Variants in PLD5 observed in about 807,000 individuals in gnomAD.
PLD5 encodes the protein phospholipase D family member 5.
In PLD5, 36 loss-of-function variants were observed where a neutral mutation model predicts 61.1. The ratio of observed to expected loss-of-function variants is 0.59; its 90% confidence interval spans 0.45 to 0.78. The LOEUF is 0.78. Ranked by LOEUF, PLD5 falls within the 30% of genes least tolerant of loss-of-function variation. PLD5 has a pLI of 0.00. For synonymous variants in PLD5, 243 were observed against 242.8 expected (o/e 1.00, Z -0.01); for missense variants, 515 against 644.4 (o/e 0.80, Z 2.17).
At chr1:242,441,216 ATAG>A (rs767023741) in intron 1 of PLD5, among the ~76,000 whole-genome samples, 23 of 152,200 alleles carry the variant, frequency 1.5e-4, no homozygotes, top group Admixed American at 1.3e-4. Context: ...ATAATTTAAA[ATAG>A]TAGTAAGTGC....
chr1:242,159,559 C>T (rs563902881), intron 5 of PLD5, among the ~76,000 whole-genome samples: 20 of 152,122 alleles, frequency 1.3e-4, no homozygotes, highest in African/African-American at 3.9e-4. Context: ...AGGTGGGGTA[C>T]GGTTCTCCGA....
At chr1:242,191,683 G>A (rs1009976161) in intron 5 of PLD5, among the ~76,000 whole-genome samples, 1 of 152,032 alleles carries the variant, frequency 6.6e-6, no homozygotes, top group Non-Finnish European at 1.5e-5. Flanking sequence ...GAGAAAAGGT[G>A]GAAGGCAGAT....
Position 242,524,222 on chromosome 1 carries a change from G to A in PLD5, c.55C>T (p.Gln19Ter). The change falls in exon 1 of 10, where the codon CAG becomes TAG. Residue 19 changes from glutamine (Q) to a stop codon, truncating the protein, a stop_gained. Coordinates refer to ENST00000536534, the MANE Select transcript of PLD5 (RefSeq NM_001372062.1). LOFTEE classifies it high-confidence loss of function. ...LSASPHEGFEQMRLKSRPKEP... is the reference protein window; with the variant it reads ...LSASPHEGFE ...TTGGGGCGGCTTTTGAGCCTCATCT[G>A]CTCGAAGCCCTCATGGGGGGAGGCC... The A allele has an allele frequency of 6.5e-7, 1 of 1,529,858 alleles. No homozygotes were observed. The highest frequency in any genetic ancestry group is 2.5e-5 in the East Asian group (1 of 39,844). The allele number at this position is 1,529,858 out of a possible 1,614,324, so 94.8% of individuals were successfully genotyped here.
At chr1:242,255,597 T>C (rs904351111) in intron 4 of PLD5, among the ~76,000 whole-genome samples, 2 of 152,142 alleles carry the variant, frequency 1.3e-5, no homozygotes, top group African/African-American at 4.8e-5. Context: ...TAAAGTATAA[T>C]AAAAAAAATT....
intron 2 of PLD5, among the ~76,000 whole-genome samples, chr1:242,315,973 C>T (rs1676980721): frequency 6.6e-6 from 1 of 152,180 alleles, no homozygotes; most frequent in South Asian, 2.1e-4. Context: ...GTCCTGAAGT[C>T]AAATGGGCCT....
chr1:242,505,357 G>A (rs1339135931), intron 1 of PLD5, among the ~76,000 whole-genome samples: 1 of 152,086 alleles, frequency 6.6e-6, no homozygotes, highest in Non-Finnish European at 1.5e-5. Context: ...TCTGAACAAG[G>A]ATGAGTTTCC....
intron 5 of PLD5, among the ~76,000 whole-genome samples, chr1:242,131,146 A>C (rs1663207327): frequency 6.6e-6 from 1 of 152,174 alleles, no homozygotes; most frequent in Non-Finnish European, 1.5e-5. Context: ...TCTACTAAAA[A>C]TACAAAAAAA....
intron 5 of PLD5, among the ~76,000 whole-genome samples, chr1:242,193,157 C>T (rs1261226843): frequency 1.3e-5 from 2 of 152,062 alleles, no homozygotes; most frequent in African/African-American, 4.8e-5. Context: ...GCCTGACTCT[C>T]CCTTAATACT....
intron 1 of PLD5, among the ~76,000 whole-genome samples, chr1:242,404,875 A>ATTTTTTTTTTTTCTT (rs1664140252): frequency 1.3e-5 from 1 of 75,408 alleles, no homozygotes. Flanking sequence ...TTCCCTGCTA[A>ATTTTTTTTTTTTCTT]TTTTTTTTTT....
intron 2 of PLD5, among the ~76,000 whole-genome samples, chr1:242,341,035 G>A (rs1241795193): frequency 2.6e-5 from 4 of 151,854 alleles, no homozygotes; most frequent in African/African-American, 9.7e-5. Flanking sequence ...AAGGAACCAG[G>A]GCTCATTTGA....
intron 1 of PLD5, among the ~76,000 whole-genome samples, chr1:242,370,639 C>G (rs1208370712): frequency 6.6e-6 from 1 of 152,150 alleles, no homozygotes; most frequent in East Asian, 1.9e-4. Flanking sequence ...TAGGGATTCC[C>G]TCTGTACTCA....
chr1:242,478,795 C>T (rs1403982731), intron 1 of PLD5, among the ~76,000 whole-genome samples: 1 of 151,790 alleles, frequency 6.6e-6, no homozygotes, highest in African/African-American at 2.4e-5. Context: ...ATTACTATTC[C>T]AAAAGTAAGT....
intron 1 of PLD5, among the ~76,000 whole-genome samples, chr1:242,401,106 C>T (rs1173206921): frequency 1.3e-5 from 2 of 152,172 alleles, no homozygotes; most frequent in East Asian, 3.9e-4. Context: ...CTCCCATTGT[C>T]CCCATCCCAG....
intron 4 of PLD5, among the ~76,000 whole-genome samples, chr1:242,263,898 C>T (rs1221387124): frequency 6.6e-6 from 1 of 152,172 alleles, no homozygotes; most frequent in East Asian, 1.9e-4. Context: ...CCTAATATCC[C>T]CAAGCTTTAA....
At chr1:242,374,991 G>A (rs1661863370) in intron 1 of PLD5, among the ~76,000 whole-genome samples, 1 of 152,146 alleles carries the variant, frequency 6.6e-6, no homozygotes, top group South Asian at 2.1e-4. Flanking sequence ...TACACACAGG[G>A]ACAGCAATCA....
intron 5 of PLD5, among the ~76,000 whole-genome samples, chr1:242,215,822 A>G (rs531809968): frequency 2.0e-5 from 3 of 152,240 alleles, no homozygotes; most frequent in Admixed American, 1.3e-4. Context: ...CTGGACACAG[A>G]CACCATTCAC....
chr1:242,214,598 A>G (rs146722052), intron 5 of PLD5, among the ~76,000 whole-genome samples: 1 of 152,240 alleles, frequency 6.6e-6, no homozygotes, highest in East Asian at 1.9e-4. Context: ...TTTTCCACCA[A>G]CACTGGAGAA....
intron 1 of PLD5, among the ~76,000 whole-genome samples, chr1:242,422,697 C>A (rs369423183): frequency 6.6e-6 from 1 of 152,144 alleles, no homozygotes; most frequent in Non-Finnish European, 1.5e-5. Flanking sequence ...GTCTTTGGGG[C>A]GCAATGTTAG....
intron 2 of PLD5, among the ~76,000 whole-genome samples, chr1:242,291,356 A>T (rs1675350908): frequency 1.3e-5 from 2 of 152,022 alleles, no homozygotes; most frequent in Admixed American, 6.6e-5. Context: ...GGATTATAGG[A>T]TGTGTGAGGG....
Sources: allele counts gnomAD v4.1 joint callset (sites outside exome capture counted in the v4.1 genomes callset), GRCh38; gene constraint gnomAD v4.1.1; transcripts MANE v1.5; gene names NCBI Gene and HGNC (gene_info 2026-07-23, HGNC 2026-07-21).